ZNRF2: variants seen among roughly 807,000 people sequenced by gnomAD.
ZNRF2 encodes zinc and ring finger 2.
Under a neutral mutation model 20.4 loss-of-function variants are expected in ZNRF2, and 16 were observed. The ratio of observed to expected loss-of-function variants is 0.79; its 90% CI spans 0.53 to 1.19. The LOEUF (loss-of-function observed/expected upper bound fraction) is 1.19. ZNRF2 is among the 50% of genes most tolerant of loss of function. The pLI, the probability that ZNRF2 is intolerant of heterozygous loss-of-function variation, is 0.00. For missense variants in ZNRF2, 363 were observed against 332.4 expected (o/e 1.09, Z -0.72); for synonymous variants, 178 against 144.9 (o/e 1.23, Z -1.64).
chr7:30,362,650 G>A (rs982315233), intron 4 of ZNRF2, among the ~76,000 whole-genome samples, 194 bp downstream of exon 4: 3 of 152,114 alleles, frequency 2.0e-5, no homozygotes, highest in African/African-American at 4.8e-5. Flanking sequence ...ATGCTGGCTC[G>A]CGCCTGTAAT....
intron 2 of ZNRF2, among the ~76,000 whole-genome samples, chr7:30,327,413 C>T (rs1799570942): frequency 6.6e-6 from 1 of 151,982 alleles, no homozygotes; most frequent in South Asian, 2.1e-4. Flanking sequence ...AATCCTTTCC[C>T]CATTGCTTGT....
intron 1 of ZNRF2, among the ~76,000 whole-genome samples, chr7:30,317,343 T>C (rs774194748): frequency 7.9e-5 from 12 of 152,338 alleles, no homozygotes; most frequent in Non-Finnish European, 1.8e-4. Context: ...ACACATGATA[T>C]GTCAAATGAG....
intron 1 of ZNRF2, among the ~76,000 whole-genome samples, chr7:30,301,388 C>T (rs1261465284): frequency 1.3e-5 from 2 of 152,054 alleles, no homozygotes; most frequent in Non-Finnish European, 2.9e-5. Context: ...GAGGCTGAGG[C>T]AGGAGAATCG....
chr7:30,345,738 G>T (rs1470602715), intron 2 of ZNRF2, among the ~76,000 whole-genome samples: 1 of 151,946 alleles, frequency 6.6e-6, no homozygotes, highest in Non-Finnish European at 1.5e-5. Context: ...TTCTTCCCCT[G>T]ATACACTTGT....
chr7:30,334,407 T>C (rs1441568674), intron 2 of ZNRF2, among the ~76,000 whole-genome samples: 3 of 152,186 alleles, frequency 2.0e-5, no homozygotes, highest in Non-Finnish European at 4.4e-5. Context: ...CCTTGTAGTA[T>C]AGTTTGAAGT....
chr7:30,333,414 G>T (rs1583586328), intron 2 of ZNRF2, among the ~76,000 whole-genome samples: 1 of 150,260 alleles, frequency 6.7e-6, no homozygotes, highest in Admixed American at 6.6e-5. Context: ...TTGTTGCCCA[G>T]GCTGGAGTGC....
chr7:30,331,357 G>A (rs929766180), intron 2 of ZNRF2, among the ~76,000 whole-genome samples: 1 of 152,118 alleles, frequency 6.6e-6, no homozygotes, highest in African/African-American at 2.4e-5. Flanking sequence ...ATAAGACACT[G>A]TAAATAAAGA....
At chr7:30,297,261 G>T (rs909764660) in intron 1 of ZNRF2, among the ~76,000 whole-genome samples, 4 of 152,080 alleles carry the variant, frequency 2.6e-5, no homozygotes, top group Admixed American at 1.3e-4. Context: ...GACCTACCCT[G>T]TTCCGAATTG....
intron 1 of ZNRF2, among the ~76,000 whole-genome samples, chr7:30,301,449 C>G (rs1294265611): frequency 6.6e-6 from 1 of 152,110 alleles, no homozygotes; most frequent in African/African-American, 2.4e-5. Context: ...CGCCACTGCA[C>G]TCCATCCTGG....
At chr7:30,342,250 G>A (rs533599021) in intron 2 of ZNRF2, among the ~76,000 whole-genome samples, 2 of 152,212 alleles carry the variant, frequency 1.3e-5, no homozygotes, top group East Asian at 1.9e-4. Context: ...ATTGTTATGC[G>A]TGAGTTTGAT....
chr7:30,360,582 C>T (rs1800111620), intron 3 of ZNRF2, among the ~76,000 whole-genome samples: 1 of 151,936 alleles, frequency 6.6e-6, no homozygotes, highest in East Asian at 1.9e-4. Flanking sequence ...ATCCCAGCTA[C>T]CCAGGAGGCT....
rs912315745 is a variant in ZNRF2 at position 30,284,674 on chromosome 7, A to G, written c.-684A>G. ...CGCGGGGCCGGGGAACCTCCTCCCC[A>G]TCTGCGCACCCCCCGCCTTCGCGGC... On this transcript the variant is annotated 5_prime_UTR_variant, in exon 1 of 5. Coordinates refer to ENST00000323037, the MANE Select transcript of ZNRF2 (RefSeq NM_147128.4). The G allele has an allele frequency of 1.3e-5, 2 of 156,240 alleles. No homozygotes were observed. Among genetic ancestry groups the G allele is most frequent in the Non-Finnish European group, 2.9e-5 (2 of 70,048 alleles). The allele number at this position is 156,240 out of a possible 1,614,324, so 9.7% of individuals were successfully genotyped here.
At position 30,289,224 on chromosome 7, in the gene ZNRF2, C is replaced by T. The variant is rs1798851675; in HGVS notation, c.469+3398C>T. On this transcript the variant is annotated intron_variant, in intron 1 of 4. Coordinates refer to ENST00000323037, the MANE Select transcript of ZNRF2 (RefSeq NM_147128.4). Reference sequence around the variant, plus strand: ...GTCTGATTGTAACTCAGGTGCCTTGCTACTTGTGAAACATGTTTTCTTATA... The same window carrying T: ...GTCTGATTGTAACTCAGGTGCCTTGTTACTTGTGAAACATGTTTTCTTATA... Among the ~76,000 whole-genome samples, 9 of 152,290 alleles carry T rather than the reference C, an allele frequency of 5.9e-5. No individual in the cohort carries two copies. In the South Asian group the frequency reaches 1.9e-3, roughly 32 times the overall value.
intron 1 of ZNRF2, among the ~76,000 whole-genome samples, chr7:30,307,326 GTTTTT>G (rs78007797): frequency 2.3e-5 from 1 of 43,234 alleles, no homozygotes; most frequent in Non-Finnish European, 4.8e-5. Flanking sequence ...GTTTTTTTTT[GTTTTT>G]TTTTTTTTTT....
chr7:30,291,801 A>G (rs561645449), intron 1 of ZNRF2, among the ~76,000 whole-genome samples: 1 of 152,320 alleles, frequency 6.6e-6, no homozygotes, highest in East Asian at 1.9e-4. Flanking sequence ...CAGAAAGTGG[A>G]TAAGATTACT....
chr7:30,315,409 G>A (rs1799354156), intron 1 of ZNRF2, among the ~76,000 whole-genome samples: 1 of 152,126 alleles, frequency 6.6e-6, no homozygotes, highest in Non-Finnish European at 1.5e-5. Context: ...AGAGATGAGT[G>A]GACTGCAGAG....
rs1800226687 is a variant in ZNRF2 at position 30,366,928 on chromosome 7, A to G, written c.*916A>G. 1 of 152,466 alleles carries G rather than the reference A, an allele frequency of 6.6e-6. No individual in the cohort carries two copies. The highest frequency in any genetic ancestry group is 6.6e-5 in the Admixed American group (1 of 15,250). The allele number at this position is 152,466 out of a possible 1,614,324, so 9.4% of individuals were successfully genotyped here. On this transcript the variant is annotated 3_prime_UTR_variant, in exon 5 of 5. Transcript: ENST00000323037. ...TTTGTTCTTTTCACTTAATTATTTTATTGTGCTTTGCATCTCCAGGCAGTT... is the reference window on the plus strand; with the variant it reads ...TTTGTTCTTTTCACTTAATTATTTTGTTGTGCTTTGCATCTCCAGGCAGTT...
chr7:30,300,296 ACGC>A (rs929082062), intron 1 of ZNRF2, among the ~76,000 whole-genome samples: 23 of 151,296 alleles, frequency 1.5e-4, no homozygotes, highest in African/African-American at 5.3e-4. Context: ...TAACAGGTGC[ACGC>A]CACCACGCCT....
intron 2 of ZNRF2, among the ~76,000 whole-genome samples, chr7:30,324,257 G>A (rs1298449154): frequency 6.6e-6 from 1 of 151,948 alleles, no homozygotes; most frequent in East Asian, 1.9e-4. Context: ...GATATGGCCA[G>A]GCACAGTGGC....
Sources: gnomAD v4.1 joint callset for allele counts (sites outside exome capture counted in the v4.1 genomes callset) on GRCh38, gnomAD v4.1.1 for gene constraint, MANE v1.5 for transcripts, NCBI Gene and HGNC (gene_info 2026-07-23, HGNC 2026-07-21) for gene names.